SORCS2: variants seen among roughly 807,000 people sequenced by gnomAD.
SORCS2 encodes sortilin related VPS10 domain containing receptor 2.
SORCS2 carries 100 observed loss-of-function variants against 141.6 expected under a neutral mutation model. The observed-to-expected ratio is 0.71, with a 90% CI of 0.60 to 0.83. The LOEUF (loss-of-function observed/expected upper bound fraction) is 0.83, where lower values mean the gene tolerates loss of function less well. Among genes scored for constraint, SORCS2 ranks in the 40% least tolerant of loss-of-function variants. The probability of loss-of-function intolerance (pLI) is 0.00; values close to 1 mark genes in which losing one functional copy is unlikely to be tolerated. For synonymous variants in SORCS2, 789 were observed against 676.9 expected (o/e 1.17, Z -2.57); for missense variants, 1,646 against 1,560.2 (o/e 1.05, Z -0.93).
At chr4:7,202,889 T>G (rs1416665404) in intron 1 of SORCS2, among the ~76,000 whole-genome samples, 3 of 152,044 alleles carry the variant, frequency 2.0e-5, no homozygotes, top group East Asian at 1.9e-4. Flanking sequence ...AACTGCTGAT[T>G]AGTAATAATA....
At chr4:7,481,276 T>G (rs1168301140) in intron 2 of SORCS2, among the ~76,000 whole-genome samples, 5 of 152,258 alleles carry the variant, frequency 3.3e-5, no homozygotes, top group South Asian at 2.1e-4. Context: ...CCACTCATTG[T>G]GCTCACCACA....
chr4:7,255,429 T>A (rs1194585186), intron 1 of SORCS2, among the ~76,000 whole-genome samples: 1 of 151,898 alleles, frequency 6.6e-6, no homozygotes, highest in African/African-American at 2.4e-5. Flanking sequence ...TTGGAGCGAA[T>A]TGTCAGGGAG....
intron 1 of SORCS2, among the ~76,000 whole-genome samples, chr4:7,393,968 C>G (rs66752514): frequency 6.6e-6 from 1 of 151,868 alleles, no homozygotes; most frequent in Non-Finnish European, 1.5e-5. Flanking sequence ...TGATGACTGC[C>G]GAGTCAGGGC....
intron 2 of SORCS2, among the ~76,000 whole-genome samples, chr4:7,496,447 A>ACCTGTTC (rs1731626177): frequency 0.046 from 2,736 of 59,886 alleles, 95 homozygotes; most frequent in African/African-American, 0.16. Flanking sequence ...CCCACTCCCC[A>ACCTGTTC]CCCGTTCCCC....
intron 1 of SORCS2, among the ~76,000 whole-genome samples, chr4:7,262,375 T>TATCCATCCATCCATCC (rs61111993): frequency 7.3e-6 from 1 of 137,088 alleles, no homozygotes; most frequent in African/African-American, 2.8e-5. Flanking sequence ...CCTATCCATC[T>TATCCATCCATCCATCC]ATCCATCCAT....
intron 2 of SORCS2, among the ~76,000 whole-genome samples, chr4:7,459,252 A>G (rs556426693): frequency 6.6e-6 from 1 of 152,098 alleles, no homozygotes; most frequent in South Asian, 2.1e-4. Context: ...TTCCTCAACT[A>G]TAGAAGAGGG....
intron 3 of SORCS2, among the ~76,000 whole-genome samples, chr4:7,603,447 C>T (rs1560419717): frequency 1.3e-5 from 2 of 152,156 alleles, no homozygotes; most frequent in Non-Finnish European, 1.5e-5. Context: ...TCAGCTGTAC[C>T]ATATCACTCA....
intron 3 of SORCS2, among the ~76,000 whole-genome samples, chr4:7,587,435 A>G (rs1431064242): frequency 6.6e-6 from 1 of 152,208 alleles, no homozygotes; most frequent in African/African-American, 2.4e-5. Context: ...ATACAGTGAG[A>G]CAGGCCAGAG....
intron 3 of SORCS2, among the ~76,000 whole-genome samples, chr4:7,537,883 G>T (rs972625423): frequency 6.6e-6 from 1 of 152,128 alleles, no homozygotes; most frequent in African/African-American, 2.4e-5. Context: ...CTACTCAGGA[G>T]GCTGAGGTGG....
chr4:7,427,575 G>C (rs140335684), intron 2 of SORCS2, among the ~76,000 whole-genome samples: 150 of 152,252 alleles, frequency 9.9e-4, no homozygotes, highest in African/African-American at 3.3e-3. Flanking sequence ...TGCGTTCTTG[G>C]GTTGCTATAA....
At chr4:7,294,679 T>TCTC (rs1716845170) in intron 1 of SORCS2, among the ~76,000 whole-genome samples, 1 of 92,850 alleles carries the variant, frequency 1.1e-5, no homozygotes, top group African/African-American at 4.3e-5. Context: ...CTCCTCCTCC[T>TCTC]CCTCCTCCCC....
intron 1 of SORCS2, among the ~76,000 whole-genome samples, chr4:7,380,950 CAG>C (rs1722951036): frequency 1.3e-5 from 2 of 152,002 alleles, no homozygotes; most frequent in Non-Finnish European, 2.9e-5. Context: ...GGTGTGGTGG[CAG>C]GTGCCTGTAG....
rs922097792 is a variant in SORCS2 at position 7,193,503 on chromosome 4, C to G, written c.480+377C>G. On this transcript the variant is annotated intron_variant, in intron 1 of 26. Transcript: ENST00000507866. This position sits in a 1 kb window ranked among gnomAD's most constrained non-coding sequence, Gnocchi z 4.8. ...GCGTTACCTCCCCTGCCCCCAGACT[C>G]CACCAGCTGAGCGTCGCGTTCTGGG... Among the ~76,000 whole-genome samples, 1 of 152,212 alleles carries G rather than the reference C, an allele frequency of 6.6e-6. No individual in the cohort carries two copies. Among genetic ancestry groups the G allele is most frequent in the African/African-American group, 2.4e-5 (1 of 41,458 alleles).
chr4:7,542,200 C>T (rs1219514485), intron 3 of SORCS2, among the ~76,000 whole-genome samples: 3 of 152,326 alleles, frequency 2.0e-5, no homozygotes, highest in African/African-American at 7.2e-5. Context: ...CTATCTTAAA[C>T]AATCAGTGAT....
At chr4:7,634,407 T>C (rs1577872233) in intron 3 of SORCS2, among the ~76,000 whole-genome samples, 2 of 147,506 alleles carry the variant, frequency 1.4e-5, no homozygotes. Flanking sequence ...GGGAGGAGGA[T>C]GATGAGGGTG....
At chr4:7,562,016 A>C (rs1271208715) in intron 3 of SORCS2, among the ~76,000 whole-genome samples, 1 of 152,218 alleles carries the variant, frequency 6.6e-6, no homozygotes, top group Non-Finnish European at 1.5e-5. Flanking sequence ...GACGTACTTG[A>C]TCTGTACAAA....
Position 7,410,949 on chromosome 4 carries a change from C to CTTTTT in SORCS2, c.548+14615_548+14619dup, listed in dbSNP as rs5855962. 4.7e-3 allele frequency among the ~76,000 whole-genome samples: 349 copies of CTTTTT among 73,840 alleles called. 10 individuals carry two copies. Among genetic ancestry groups the CTTTTT allele is most frequent in the Middle Eastern group, 0.012 (1 of 82 alleles). 48.4% of individuals were successfully genotyped at this position (73,840 alleles called of 152,430 possible). A position where few individuals can be genotyped will look rare whatever the true frequency, so the allele number is the denominator to read the frequency against. On this transcript the variant is annotated intron_variant, in intron 2 of 26. Coordinates refer to ENST00000507866, the MANE Select transcript of SORCS2 (RefSeq NM_020777.3). ...GGCCCAGCAGCCTCTTCTCTCCATCCTTTTTTTTTTTTTTTTTTTTTTTTT... is the reference window on the plus strand; with the variant it reads ...GGCCCAGCAGCCTCTTCTCTCCATCCTTTTTTTTTTTTTTTTTTTTTTTTTTTTTT...
At chr4:7,214,538 A>T (rs914855977) in intron 1 of SORCS2, among the ~76,000 whole-genome samples, 4 of 152,246 alleles carry the variant, frequency 2.6e-5, no homozygotes, top group African/African-American at 7.2e-5. Flanking sequence ...GGCTGGGCAG[A>T]TTCATTCAAC....
At chr4:7,237,748 G>C (rs1017760273) in intron 1 of SORCS2, among the ~76,000 whole-genome samples, 1 of 151,972 alleles carries the variant, frequency 6.6e-6, no homozygotes, top group Non-Finnish European at 1.5e-5. Flanking sequence ...ATGAGTTTAC[G>C]TCAGATCCTG....
Sources: gnomAD v4.1 joint callset for allele counts (sites outside exome capture counted in the v4.1 genomes callset) on GRCh38, gnomAD v4.1.1 for gene constraint, Gnocchi (gnomAD v3.1) non-coding constraint, MANE v1.5 for transcripts, NCBI Gene and HGNC (gene_info 2026-07-23, HGNC 2026-07-21) for gene names.